PRIM2: variants seen among roughly 807,000 people sequenced by gnomAD.
PRIM2 encodes the protein DNA primase large subunit.
A neutral mutation model predicts 67.3 loss-of-function variants in PRIM2; 39 were observed. That is an observed-to-expected ratio of 0.58 (90% CI 0.45 to 0.76). The LOEUF is 0.76. Among genes scored for constraint, PRIM2 ranks in the 30% least tolerant of loss-of-function variants. The probability of loss-of-function intolerance (pLI) is 0.00; values close to 1 mark genes in which losing one functional copy is unlikely to be tolerated. For synonymous variants in PRIM2, 143 were observed against 198.7 expected, an observed-to-expected ratio of 0.72 and a Z score of 2.36; for missense variants, 398 against 598.7, an observed-to-expected ratio of 0.66 and a Z score of 3.50.
chr6:57,415,336 T>TG (rs1771223630), intron 7 of PRIM2, among the ~76,000 whole-genome samples: 1 of 152,360 alleles, frequency 6.6e-6, no homozygotes, highest in East Asian at 1.9e-4. Context: ...GAGTGAATAT[T>TG]GCAATAAGGC....
At chr6:57,353,592 T>C (rs1207902664) in intron 5 of PRIM2, among the ~76,000 whole-genome samples, 1 of 152,204 alleles carries the variant, frequency 6.6e-6, no homozygotes, top group African/African-American at 2.4e-5. Context: ...GATCTACGGT[T>C]TTGGTGGTAT....
rs1348405734 is a variant in PRIM2, at chr6:57,470,567, A to G, written c.694-36820A>G. 7.7e-3 allele frequency among the ~76,000 whole-genome samples: 1,170 copies of G among 150,986 alleles called. 10 individuals are homozygous for G. Among genetic ancestry groups the G allele is most frequent in the Non-Finnish European group, 9.3e-3 (632 of 67,838 alleles). On this transcript the variant is annotated intron_variant, in intron 7 of 13. Coordinates refer to ENST00000615550, the MANE Select transcript of PRIM2 (RefSeq NM_000947.5). ...TTAGGTAGAATAATGTGTAGAGAGA[A>G]CTGTCATGTTTCAGAATGACTTTGA...
chr6:57,455,735 T>G (rs1206603023), intron 7 of PRIM2, among the ~76,000 whole-genome samples: 1 of 152,242 alleles, frequency 6.6e-6, no homozygotes, highest in Non-Finnish European at 1.5e-5. Context: ...CTTGACTCTT[T>G]ATCCAATTTG....
At chr6:57,299,033 A>G in the PRIM2 span, among the ~76,000 whole-genome samples, 4 of 151,864 alleles carry the variant, frequency 2.6e-5, no homozygotes, top group East Asian at 1.9e-4. Context: ...ACTGTGGACG[A>G]TTCTCTCTGT....
At chr6:57,477,442 G>C (rs1273975678) in intron 7 of PRIM2, among the ~76,000 whole-genome samples, 1 of 152,172 alleles carries the variant, frequency 6.6e-6, no homozygotes, top group East Asian at 1.9e-4. Flanking sequence ...GTCAAATATC[G>C]TACAATATTA....
the PRIM2 span, among the ~76,000 whole-genome samples, chr6:57,260,775 T>TA: frequency 2.0e-5 from 3 of 151,918 alleles, no homozygotes; most frequent in South Asian, 2.1e-4. Context: ...CTTTGTCCAG[T>TA]AAAAAAAGCA....
the PRIM2 span, among the ~76,000 whole-genome samples, chr6:57,253,573 C>T: frequency 1.3e-5 from 2 of 151,766 alleles, no homozygotes; most frequent in South Asian, 2.1e-4. Flanking sequence ...TCATGGAGCT[C>T]GTTCTCTTGG....
the PRIM2 span, among the ~76,000 whole-genome samples, chr6:57,294,482 A>C: frequency 6.6e-6 from 1 of 152,126 alleles, no homozygotes; most frequent in Non-Finnish European, 1.5e-5. Context: ...CTCCGTCTGC[A>C]AAAAAATAAG....
chr6:57,498,439 A>G (rs1554346552), intron 7 of PRIM2, among the ~76,000 whole-genome samples: 7 of 152,196 alleles, frequency 4.6e-5, no homozygotes, highest in Admixed American at 3.3e-4. Flanking sequence ...GTCATTTTAC[A>G]TAATAAATAA....
intron 10 of PRIM2, among the ~76,000 whole-genome samples, chr6:57,553,937 G>A (rs1390360824): frequency 5.3e-5 from 8 of 152,086 alleles, no homozygotes; most frequent in Non-Finnish European, 1.2e-4. Flanking sequence ...CCATGTATGG[G>A]CCTTCTAGGA....
the PRIM2 span, among the ~76,000 whole-genome samples, chr6:57,282,907 G>A: frequency 6.6e-6 from 1 of 152,108 alleles, no homozygotes; most frequent in African/African-American, 2.4e-5. Context: ...TGAATTATAA[G>A]CTGACTTTCC....
intron 3 of PRIM2, 51 bp from the exon 4 acceptor site, chr6:57,324,150 C>T (rs1767758223): frequency 9.7e-7 from 1 of 1,035,026 alleles, no homozygotes; most frequent in East Asian, 2.4e-5. Flanking sequence ...TTTCCTTACA[C>T]CTCTTACCAT....
At chr6:57,408,533 CAATA>C (rs1770977635) in intron 7 of PRIM2, among the ~76,000 whole-genome samples, 1 of 152,070 alleles carries the variant, frequency 6.6e-6, no homozygotes, top group Admixed American at 6.6e-5. Flanking sequence ...TGCTTTTGTA[CAATA>C]AATAGCCTTT....
At chr6:57,360,444 T>C (rs1488009534) in intron 5 of PRIM2, among the ~76,000 whole-genome samples, 6 of 152,192 alleles carry the variant, frequency 3.9e-5, no homozygotes, top group Admixed American at 6.6e-5. Context: ...TATGGAAATC[T>C]ATGGAAATTA....
intron 7 of PRIM2, among the ~76,000 whole-genome samples, chr6:57,483,841 T>C (rs1279830054): frequency 6.6e-6 from 1 of 152,230 alleles, no homozygotes; most frequent in Non-Finnish European, 1.5e-5. Flanking sequence ...AAGTGAAATA[T>C]TTATTTTCTT....
At chr6:57,273,988 A>G in the PRIM2 span, among the ~76,000 whole-genome samples, 2 of 152,064 alleles carry the variant, frequency 1.3e-5, no homozygotes, top group African/African-American at 4.8e-5. Flanking sequence ...TCCTTTGGAA[A>G]TTTTGTCTCC....
chr6:57,579,089 A>C (rs1304389168), intron 10 of PRIM2, among the ~76,000 whole-genome samples: 2 of 152,054 alleles, frequency 1.3e-5, no homozygotes, highest in African/African-American at 4.8e-5. Flanking sequence ...AAAGTCTTGT[A>C]AATTCTCTTA....
At chr6:57,629,944 G>C (rs1350422094) in intron 12 of PRIM2, among the ~76,000 whole-genome samples, 1 of 149,386 alleles carries the variant, frequency 6.7e-6, no homozygotes, top group Non-Finnish European at 1.5e-5. Context: ...AATTTTAAAA[G>C]CATGTAAGTT....
chr6:57,353,139 C>CAAA (rs57281233), intron 5 of PRIM2, among the ~76,000 whole-genome samples: 3,810 of 58,404 alleles, frequency 0.065, 145 homozygotes, highest in African/African-American at 0.17. Flanking sequence ...GGTGAAATCC[C>CAAA]AAAAAAAAAA....
Sources: allele counts gnomAD v4.1 joint callset (sites outside exome capture counted in the v4.1 genomes callset), GRCh38; gene constraint gnomAD v4.1.1; transcripts MANE v1.5; gene names NCBI Gene and HGNC (gene_info 2026-07-23, HGNC 2026-07-21).